Variants in KCTD16 observed in about 807,000 individuals in gnomAD.
KCTD16 encodes BTB/POZ domain-containing protein KCTD16.
Under a neutral mutation model 33.2 loss-of-function variants are expected in KCTD16, and 13 were observed. The ratio of observed to expected loss-of-function variants is 0.39; its 90% CI spans 0.25 to 0.62. The LOEUF is 0.62. Ranked by LOEUF, KCTD16 falls within the 20% of genes least tolerant of loss-of-function variation. The pLI is 0.50. For synonymous variants in KCTD16, 197 were observed against 195.3 expected (o/e 1.01, Z -0.07); for missense variants, 441 against 525.1 (o/e 0.84, Z 1.57).
intron 3 of KCTD16, among the ~76,000 whole-genome samples, chr5:144,472,549 A>G (rs1475655708): frequency 6.6e-6 from 1 of 152,228 alleles, no homozygotes; most frequent in African/African-American, 2.4e-5. Context: ...ATATAAATGA[A>G]AAGCTCACTG....
intron 3 of KCTD16, among the ~76,000 whole-genome samples, chr5:144,372,519 T>C (rs886964393): frequency 1.1e-4 from 17 of 152,310 alleles, no homozygotes; most frequent in African/African-American, 4.1e-4. Flanking sequence ...TGGATGTTTT[T>C]GTTCACAGCT....
intron 3 of KCTD16, among the ~76,000 whole-genome samples, chr5:144,417,613 T>G (rs984524287): frequency 6.6e-6 from 1 of 152,204 alleles, no homozygotes; most frequent in African/African-American, 2.4e-5. Context: ...AAATTTTTGA[T>G]GAGATACAAT....
In KCTD16 at chr5:144,479,949, G is replaced by A. The variant is rs773929630; in HGVS notation, c.*5835G>A. 4 of 151,896 alleles carry A rather than the reference G, an allele frequency of 2.6e-5. No individual in the cohort carries two copies. The highest frequency in any genetic ancestry group is 6.6e-5 in the Admixed American group (1 of 15,214). The allele number at this position is 151,896 out of a possible 1,614,324, so 9.4% of individuals were successfully genotyped here. A position where few individuals can be genotyped will look rare whatever the true frequency, so the allele number is the denominator to read the frequency against. The stretch of plus-strand genomic sequence containing the variant: ...ATATGCCAACCAGAGGGTTTATTAA[G>A]TCTCTTGTCTCCAGCAACCTCCTCC... On this transcript the variant is annotated 3_prime_UTR_variant, in exon 4 of 4. Coordinates refer to ENST00000512467, the MANE Select transcript of KCTD16 (RefSeq NM_020768.4).
intron 2 of KCTD16, among the ~76,000 whole-genome samples, chr5:144,180,966 T>C (rs1253112322): frequency 6.6e-6 from 1 of 151,536 alleles, no homozygotes; most frequent in African/African-American, 2.4e-5. Context: ...GGAGTCTCGC[T>C]CTGTCGCCCA....
At chr5:144,261,374 G>A (rs1197879881) in intron 3 of KCTD16, among the ~76,000 whole-genome samples, 1 of 152,118 alleles carries the variant, frequency 6.6e-6, no homozygotes, top group Admixed American at 6.6e-5. Flanking sequence ...AGATTAATTT[G>A]AAAAATAATG....
At chr5:144,397,185 G>A (rs1752588532) in intron 3 of KCTD16, among the ~76,000 whole-genome samples, 1 of 147,264 alleles carries the variant, frequency 6.8e-6, no homozygotes, top group African/African-American at 2.5e-5. Flanking sequence ...TTGGTTTTTT[G>A]TCCTTCCAAT....
intron 3 of KCTD16, among the ~76,000 whole-genome samples, chr5:144,207,958 A>G (rs1561529511): frequency 6.6e-6 from 1 of 152,218 alleles, no homozygotes; most frequent in Non-Finnish European, 1.5e-5. Context: ...TTTGAGGTCT[A>G]TTAAGCTGGT....
intron 3 of KCTD16, among the ~76,000 whole-genome samples, chr5:144,340,517 T>C (rs1429874879): frequency 6.6e-6 from 1 of 150,924 alleles, no homozygotes; most frequent in Non-Finnish European, 1.5e-5. Context: ...AGTGTCTGAG[T>C]GTGTCCAAGT....
intron 3 of KCTD16, among the ~76,000 whole-genome samples, chr5:144,289,643 G>A (rs1210322408): frequency 1.3e-5 from 2 of 152,024 alleles, no homozygotes; most frequent in African/African-American, 4.8e-5. Context: ...GTAATTTGAA[G>A]GTAATAACAC....
chr5:144,298,629 T>C (rs926052321), intron 3 of KCTD16, among the ~76,000 whole-genome samples: 3 of 152,148 alleles, frequency 2.0e-5, no homozygotes, highest in African/African-American at 7.2e-5. Context: ...GGTTTTCTAC[T>C]GTGTTAGCAT....
chr5:144,476,529 A>G lies in KCTD16; in HGVS notation c.*2415A>G, dbSNP rs763975124. On this transcript the variant is annotated 3_prime_UTR_variant, in exon 4 of 4. Coordinates refer to ENST00000512467, the MANE Select transcript of KCTD16 (RefSeq NM_020768.4). The stretch of plus-strand genomic sequence containing the variant: ...TCCAGTGAACAAAGCTGGAATAGAA[A>G]ACCTGTTTAAAACCATCACAACAGC... The G allele has an allele frequency of 4.6e-5, 7 of 152,192 alleles. No individual in the cohort carries two copies. The highest frequency in any genetic ancestry group is 7.3e-5 in the Non-Finnish European group (5 of 68,030). 9.4% of individuals were successfully genotyped at this position (152,192 alleles called of 1,614,324 possible).
intron 3 of KCTD16, among the ~76,000 whole-genome samples, chr5:144,308,131 C>G (rs1020485855): frequency 6.6e-6 from 1 of 152,082 alleles, no homozygotes; most frequent in South Asian, 2.1e-4. Flanking sequence ...ACCAGGGCAG[C>G]CTTATTAATA....
At chr5:144,381,553 G>T (rs1455479633) in intron 3 of KCTD16, among the ~76,000 whole-genome samples, 2 of 152,168 alleles carry the variant, frequency 1.3e-5, no homozygotes. Flanking sequence ...GGCAAAGGGG[G>T]AGTAGGCATG....
intron 3 of KCTD16, among the ~76,000 whole-genome samples, chr5:144,321,107 G>A (rs978134403): frequency 3.1e-4 from 47 of 151,992 alleles, no homozygotes; most frequent in African/African-American, 1.0e-3. Flanking sequence ...CACCCATCTC[G>A]GCCTCCCAAG....
intron 3 of KCTD16, among the ~76,000 whole-genome samples, chr5:144,446,377 C>T (rs557684643): frequency 4.6e-5 from 7 of 152,074 alleles, no homozygotes; most frequent in African/African-American, 1.7e-4. Context: ...AACTGGACCC[C>T]TTCTTTACAC....
chr5:144,213,803 C>G (rs991428007), intron 3 of KCTD16, among the ~76,000 whole-genome samples: 1 of 152,154 alleles, frequency 6.6e-6, no homozygotes, highest in African/African-American at 2.4e-5. Flanking sequence ...CAAGTTGATT[C>G]TGATGACAAA....
chr5:144,280,949 G>A (rs866020519), intron 3 of KCTD16, among the ~76,000 whole-genome samples: 1 of 151,178 alleles, frequency 6.6e-6, no homozygotes, highest in Admixed American at 6.6e-5. Flanking sequence ...CAGCTACTCG[G>A]GAGGCTGAGG....
chr5:144,316,301 T>C lies in KCTD16; in HGVS notation c.832+108755T>C, dbSNP rs1423204821. On this transcript the variant is annotated intron_variant, in intron 3 of 3. Coordinates refer to ENST00000512467, the MANE Select transcript of KCTD16 (RefSeq NM_020768.4). ...GAGGGAAACCGAGCTTGTAGGTGAA[T>C]TGGTAAAGTCAAAATCGGTGAAGAG... 2.0e-5 allele frequency among the ~76,000 whole-genome samples: 3 copies of C among 152,204 alleles called. No individual in the cohort carries two copies. In the East Asian group the frequency reaches 5.8e-4, roughly 29 times the overall value.
intron 3 of KCTD16, among the ~76,000 whole-genome samples, chr5:144,357,075 A>C (rs186785072): frequency 2.0e-5 from 3 of 151,972 alleles, no homozygotes; most frequent in Non-Finnish European, 2.9e-5. Flanking sequence ...CCTAAGGAAA[A>C]GGATCCCTGG....
Sources: gnomAD v4.1 joint callset for allele counts (sites outside exome capture counted in the v4.1 genomes callset) on GRCh38, gnomAD v4.1.1 for gene constraint, MANE v1.5 for transcripts, NCBI Gene and HGNC (gene_info 2026-07-23, HGNC 2026-07-21) for gene names.